PCLO: variants seen among roughly 807,000 people sequenced by gnomAD.
PCLO encodes the protein piccolo presynaptic cytomatrix protein.
A neutral mutation model predicts 427.5 loss-of-function variants in PCLO; 82 were observed. The ratio of observed to expected loss-of-function variants is 0.19; its 90% CI spans 0.16 to 0.23. The LOEUF is 0.23. PCLO is among the 10% of genes least tolerant of loss of function. The pLI is 1.00. For missense variants in PCLO, 6,239 were observed against 6,115.9 expected (o/e 1.02, Z -0.67); for synonymous variants, 2,357 against 2,155.4 (o/e 1.09, Z -2.59).
At chr7:83,035,550 C>T (rs941065005) in intron 3 of PCLO, among the ~76,000 whole-genome samples, 1 of 152,018 alleles carries the variant, frequency 6.6e-6, no homozygotes, top group African/African-American at 2.4e-5. Flanking sequence ...GGTTTTATGT[C>T]CATTAGAAAC....
intron 3 of PCLO, among the ~76,000 whole-genome samples, chr7:82,994,915 A>C (rs1796461580): frequency 1.3e-5 from 2 of 151,986 alleles, no homozygotes; most frequent in African/African-American, 2.4e-5. Flanking sequence ...AAATGTAAAG[A>C]TTATTCTGTA....
intron 3 of PCLO, among the ~76,000 whole-genome samples, chr7:82,971,299 C>A (rs916640023): frequency 1.3e-5 from 2 of 151,484 alleles, no homozygotes; most frequent in African/African-American, 4.8e-5. Flanking sequence ...AATTGTGATA[C>A]GCATGATTAT....
chr7:82,891,654 A>G (rs1354246805), intron 9 of PCLO, among the ~76,000 whole-genome samples: 2 of 152,076 alleles, frequency 1.3e-5, no homozygotes, highest in African/African-American at 4.8e-5. Context: ...CCCATTCAGT[A>G]TGATATTGGC....
intron 6 of PCLO, among the ~76,000 whole-genome samples, chr7:82,944,921 T>A (rs1795166329): frequency 6.6e-6 from 1 of 152,200 alleles, no homozygotes; most frequent in African/African-American, 2.4e-5. Context: ...CTCTCTTACA[T>A]AAAATATTCC....
At chr7:83,024,538 C>A (rs1039936304) in intron 3 of PCLO, among the ~76,000 whole-genome samples, 1 of 152,136 alleles carries the variant, frequency 6.6e-6, no homozygotes, top group African/African-American at 2.4e-5. Flanking sequence ...GAGGGGCGCC[C>A]GCCATTGCCC....
chr7:82,948,544 G>C (rs1242760965), intron 6 of PCLO, among the ~76,000 whole-genome samples: 1 of 151,968 alleles, frequency 6.6e-6, no homozygotes, highest in Non-Finnish European at 1.5e-5. Context: ...ATGCATTAGG[G>C]GAACTTCTAA....
intron 3 of PCLO, among the ~76,000 whole-genome samples, chr7:83,003,037 A>T (rs2115935032): frequency 6.6e-6 from 1 of 151,690 alleles, no homozygotes; most frequent in African/African-American, 2.4e-5. Flanking sequence ...AATATATCTG[A>T]AAGATCATAT....
At position 82,915,707 on chromosome 7, in the gene PCLO, A is replaced by G; in HGVS notation, c.12279T>C (p.Asp4093=). The change falls in exon 7 of 25, where the codon GAT becomes GAC. Residue 4093 remains aspartate (D), a synonymous_variant. Coordinates refer to ENST00000333891, the MANE Select transcript of PCLO (RefSeq NM_033026.6). ...TETRRSQEVT[D]FLAPLQSSSR... ...AGGAAGACTGTAAAGGTGCTAGGAA[A>G]TCTGTCACTTCTTGAGACCGGCGTG... 6.2e-7 allele frequency: 1 copy of G among 1,612,702 alleles called. No homozygotes were observed. The highest frequency in any genetic ancestry group is 8.5e-7 in the Non-Finnish European group (1 of 1,179,324).
At chr7:82,854,116 C>T (rs569138876) in intron 10 of PCLO, among the ~76,000 whole-genome samples, 4 of 152,180 alleles carry the variant, frequency 2.6e-5, no homozygotes, top group East Asian at 1.9e-4. Flanking sequence ...GCACTTCCCA[C>T]ATCTCCTCTC....
intron 3 of PCLO, among the ~76,000 whole-genome samples, chr7:83,076,084 G>A (rs991428571): frequency 2.7e-5 from 4 of 150,114 alleles, no homozygotes; most frequent in Non-Finnish European, 5.9e-5. Context: ...ATCTCAGCAT[G>A]CCTCTGCAGA....
In PCLO at chr7:83,135,589, G is replaced by A. The variant is rs770951165; in HGVS notation, c.1961C>T (p.Pro654Leu). The A allele has an allele frequency of 1.7e-5, 28 of 1,612,792 alleles. No individual in the cohort carries two copies. The highest frequency in any genetic ancestry group is 4.4e-5 in the South Asian group (4 of 90,914). Residue 654 changes from proline to leucine, a missense_variant, in exon 3 of 25, where the codon CCG (proline) becomes CTG (leucine). By Grantham distance (98) the Pro-to-Leu change is moderately conservative. Transcript: ENST00000333891. ...CTTCAGTTTGGGCTGGGGTGATGAC[G>A]GAACTGGAGCCAGATCCCCGCCTAG... ...RALGGDLAPV[P>L]SSPQPKLKTA...
chr7:82,869,712 G>A (rs909746903), intron 10 of PCLO, among the ~76,000 whole-genome samples: 2 of 151,996 alleles, frequency 1.3e-5, no homozygotes, highest in African/African-American at 2.4e-5. Flanking sequence ...GATGGGACTA[G>A]CAGATCAGTG....
Position 82,966,404 on chromosome 7 carries a change from T to G in PCLO, c.3384A>C (p.Ala1128=). The G allele has an allele frequency of 6.2e-7, 1 of 1,613,704 alleles. No individual in the cohort carries two copies. Among genetic ancestry groups the G allele is most frequent in the Non-Finnish European group, 8.5e-7 (1 of 1,179,768 alleles). The change falls in exon 4 of 25, where the codon GCA becomes GCC. Residue 1128 remains alanine (A), a synonymous_variant. Coordinates refer to ENST00000333891, the MANE Select transcript of PCLO (RefSeq NM_033026.6). The part of the protein sequence containing the change: ...QLGDIRKMPP[A]PSGPKASPMP... The stretch of plus-strand genomic sequence containing the variant: ...TAGGAGATGCTTTGGGTCCTGATGG[T>G]GCAGGTGGCATTTTGCGTATGTCTC...
At position 82,931,165 on chromosome 7, in the gene PCLO, A is replaced by G. The variant is rs58718797; in HGVS notation, c.11113-14292T>C. On this transcript the variant is annotated intron_variant, in intron 6 of 24. Transcript: ENST00000333891. ...ACTTATTTTAAAATACAGTAACCAT[A>G]TAAGGCCCAGTACTATTATTACCTT... 6.4e-3 allele frequency among the ~76,000 whole-genome samples: 980 copies of G among 152,266 alleles called. 9 individuals carry two copies. The highest frequency in any genetic ancestry group is 0.022 in the African/African-American group (927 of 41,562).
chr7:82,762,454 G>T (rs1790450922), intron 22 of PCLO, among the ~76,000 whole-genome samples: 1 of 152,008 alleles, frequency 6.6e-6, no homozygotes, highest in Admixed American at 6.6e-5. Flanking sequence ...ATCCATTAAA[G>T]GTCTTTAAAC....
rs1368206670 is a variant in PCLO at position 82,757,959 on chromosome 7, AT to A, written c.*615del. 4 of 151,988 alleles carry A rather than the reference AT, an allele frequency of 2.6e-5. No individual in the cohort carries two copies. Among genetic ancestry groups the A allele is most frequent in the African/African-American group, 9.7e-5 (4 of 41,426 alleles). 9.4% of individuals were successfully genotyped at this position (151,988 alleles called of 1,614,324 possible). On this transcript the variant is annotated 3_prime_UTR_variant, in exon 25 of 25. Coordinates refer to ENST00000333891, the MANE Select transcript of PCLO (RefSeq NM_033026.6). Reference sequence around the variant, plus strand: ...AGTCAGTGTTGTATATGCTTGTAACATTTAGACACAGAGAAAACTGGTAAAA... The same window carrying A: ...AGTCAGTGTTGTATATGCTTGTAACATTAGACACAGAGAAAACTGGTAAAA...
chr7:83,101,161 A>G (rs75903747), intron 3 of PCLO, among the ~76,000 whole-genome samples: 12,849 of 151,838 alleles, frequency 0.085, 716 homozygotes, highest in Non-Finnish European at 0.12. Flanking sequence ...AAATATAAGC[A>G]TTATTTCTAT....
intron 2 of PCLO, among the ~76,000 whole-genome samples, chr7:83,151,951 T>C (rs542107548): frequency 3.5e-4 from 53 of 152,084 alleles, no homozygotes; most frequent in African/African-American, 1.2e-3. Flanking sequence ...TGAAAAGCCC[T>C]ATACAAACTT....
intron 8 of PCLO, among the ~76,000 whole-genome samples, chr7:82,904,327 T>C (rs2116206025): frequency 6.6e-6 from 1 of 151,924 alleles, no homozygotes; most frequent in Non-Finnish European, 1.5e-5. Context: ...CCTTTCTCTC[T>C]GTTACTTTTT....
Sources: gnomAD v4.1 joint callset for allele counts (sites outside exome capture counted in the v4.1 genomes callset) on GRCh38, gnomAD v4.1.1 for gene constraint, MANE v1.5 for transcripts, NCBI Gene and HGNC (gene_info 2026-07-23, HGNC 2026-07-21) for gene names.